Variants in ADAMTSL3 observed in about 807,000 individuals in gnomAD.
The protein encoded by ADAMTSL3 is ADAMTS like 3, also known as ADAMTS-like protein 3.
ADAMTSL3 carries 128 observed loss-of-function variants against 201.7 expected under a neutral mutation model. The ratio of observed to expected loss-of-function variants is 0.63; its 90% CI spans 0.55 to 0.73. The LOEUF (loss-of-function observed/expected upper bound fraction) is 0.73. Among genes scored for constraint, ADAMTSL3 ranks in the 30% least tolerant of loss-of-function variants. The pLI is 0.00. For synonymous variants in ADAMTSL3, 738 were observed against 748.4 expected (o/e 0.99, Z 0.23); for missense variants, 1,990 against 2,119.6 (o/e 0.94, Z 1.20).
chr15:83,769,995 G>T (rs972548660), intron 3 of ADAMTSL3, among the ~76,000 whole-genome samples: 1 of 151,746 alleles, frequency 6.6e-6, no homozygotes, highest in East Asian at 1.9e-4. Flanking sequence ...TTGTTTGTTT[G>T]CTTCCTTGTT....
At chr15:83,874,227 G>C (rs2065136057) in intron 9 of ADAMTSL3, among the ~76,000 whole-genome samples, 1 of 145,010 alleles carries the variant, frequency 6.9e-6, no homozygotes, top group Non-Finnish European at 1.5e-5. Flanking sequence ...GGGCAGGGAG[G>C]CTTTCAGGGA....
rs138903302 is a variant in ADAMTSL3 at position 83,978,080 on chromosome 15, A to G, written c.2645-4193A>G. ...GAGGCCAGGGTTCCAGCAGGGTAAT[A>G]GGAAGGTATTGATGCTGTGTCATGG... is the stretch of plus-strand genomic sequence containing the variant. On this transcript the variant is annotated intron_variant, in intron 20 of 29. Coordinates refer to ENST00000286744, the MANE Select transcript of ADAMTSL3 (RefSeq NM_207517.3). 3.9e-5 allele frequency among the ~76,000 whole-genome samples: 6 copies of G among 152,216 alleles called. No individual in the cohort carries two copies. The East Asian group carries it at 9.7e-4, about 25-fold the overall frequency.
intron 6 of ADAMTSL3, among the ~76,000 whole-genome samples, chr15:83,822,076 G>A (rs1465676326): frequency 3.4e-5 from 5 of 147,386 alleles, no homozygotes; most frequent in African/African-American, 7.5e-5. Flanking sequence ...AGGGGCGGCC[G>A]GGCAGAGGCA....
rs1469189157 is a variant in ADAMTSL3, at chr15:83,982,604, G to A, written c.2976G>A (p.Val992=). 1 of 1,614,156 alleles carries A rather than the reference G, an allele frequency of 6.2e-7. No homozygotes were observed. The highest frequency in any genetic ancestry group is 1.7e-5 in the Admixed American group (1 of 60,022). The change falls in exon 21 of 30, where the codon GTG becomes GTA. Residue 992 remains valine (V), a synonymous_variant. Transcript: ENST00000286744. The part of the protein sequence containing the change: ...CIAGSAQETV[V]LKLIGTDNRL... ...CAGGCTCTGCACAGGAAACAGTTGTGCTCAAGCTCATTGGTACTGACAACC... is the reference window on the plus strand; with the variant it reads ...CAGGCTCTGCACAGGAAACAGTTGTACTCAAGCTCATTGGTACTGACAACC...
intron 6 of ADAMTSL3, among the ~76,000 whole-genome samples, chr15:83,823,288 A>G (rs1255221038): frequency 6.6e-6 from 1 of 151,966 alleles, no homozygotes; most frequent in Non-Finnish European, 1.5e-5. Context: ...TATTTCACCT[A>G]CCCTATTCTG....
chr15:83,771,134 A>G (rs929827963), intron 3 of ADAMTSL3, among the ~76,000 whole-genome samples: 1 of 151,156 alleles, frequency 6.6e-6, no homozygotes, highest in Non-Finnish European at 1.5e-5. Context: ...GTGGTGCTAT[A>G]CTGTGTCCTT....
intron 3 of ADAMTSL3, among the ~76,000 whole-genome samples, chr15:83,754,003 G>A (rs1596143996): frequency 1.3e-5 from 2 of 152,296 alleles, no homozygotes; most frequent in South Asian, 4.2e-4. Context: ...GAGTAAAGAG[G>A]TTTGGTTGTG....
chr15:83,910,150 T>C (rs973999654), intron 15 of ADAMTSL3, among the ~76,000 whole-genome samples: 15 of 152,218 alleles, frequency 9.9e-5, no homozygotes, highest in African/African-American at 3.4e-4. Context: ...GTTTCACAGT[T>C]GGTTTCCATT....
intron 3 of ADAMTSL3, among the ~76,000 whole-genome samples, chr15:83,727,479 T>C (rs191809400): frequency 1.3e-5 from 2 of 152,150 alleles, no homozygotes; most frequent in East Asian, 3.9e-4. Flanking sequence ...CATCATTAGG[T>C]TGTTTATTTA....
chr15:83,962,541 TATATC>T (rs1203019706), intron 19 of ADAMTSL3: 3 of 152,256 alleles, frequency 2.0e-5, no homozygotes, highest in African/African-American at 7.2e-5. Context: ...TTTTTTCTAA[TATATC>T]TAATAAAATT....
chr15:83,972,994 A>T (rs909116677), intron 20 of ADAMTSL3, among the ~76,000 whole-genome samples: 3 of 152,058 alleles, frequency 2.0e-5, no homozygotes, highest in African/African-American at 7.2e-5. Flanking sequence ...CATACCTTCA[A>T]AGGCACCATG....
intron 2 of ADAMTSL3, among the ~76,000 whole-genome samples, chr15:83,697,286 A>G (rs1029579237): frequency 6.6e-6 from 1 of 152,166 alleles, no homozygotes; most frequent in Non-Finnish European, 1.5e-5. Context: ...TTTCCACTCA[A>G]CACAGCACTT....
chr15:83,731,585 C>T (rs1267009522), intron 3 of ADAMTSL3, among the ~76,000 whole-genome samples: 1 of 152,034 alleles, frequency 6.6e-6, no homozygotes, highest in Middle Eastern at 3.4e-3. Flanking sequence ...AAATCATTGT[C>T]TTGAAGAGAT....
chr15:83,904,776 G>T (rs1457117585), intron 15 of ADAMTSL3, among the ~76,000 whole-genome samples: 1 of 152,096 alleles, frequency 6.6e-6, no homozygotes, highest in Non-Finnish European at 1.5e-5. Context: ...TGTTGCCCTC[G>T]CTGTCGTTTT....
intron 2 of ADAMTSL3, among the ~76,000 whole-genome samples, chr15:83,661,792 C>T (rs892916829): frequency 2.5e-4 from 38 of 150,592 alleles, no homozygotes; most frequent in African/African-American, 9.3e-4. Flanking sequence ...CAAAAGAAGA[C>T]ATTTATGCAG....
chr15:83,932,211 A>G (rs1167121803), intron 17 of ADAMTSL3, among the ~76,000 whole-genome samples: 2 of 152,248 alleles, frequency 1.3e-5, no homozygotes, highest in Non-Finnish European at 2.9e-5. Flanking sequence ...GACTGTATAC[A>G]TCAGTTTCTA....
At chr15:83,663,364 G>C (rs1030388) in intron 2 of ADAMTSL3, among the ~76,000 whole-genome samples, 151,554 of 152,358 alleles carry the variant, frequency 0.99, 75,379 homozygotes, top group East Asian at 1. Flanking sequence ...TTCCATTGTA[G>C]TTATGGTTAT....
At chr15:83,796,272 T>C (rs775972782) in intron 4 of ADAMTSL3, among the ~76,000 whole-genome samples, 1 of 152,158 alleles carries the variant, frequency 6.6e-6, no homozygotes, top group Non-Finnish European at 1.5e-5. Context: ...ATTGTGCAGA[T>C]AGAAAAATCC....
At chr15:83,747,474 C>T (rs113500837) in intron 3 of ADAMTSL3, among the ~76,000 whole-genome samples, 1 of 152,156 alleles carries the variant, frequency 6.6e-6, no homozygotes, top group African/African-American at 2.4e-5. Flanking sequence ...AGGTACCCAT[C>T]CAGATCTGTC....
Sources: allele counts gnomAD v4.1 joint callset (sites outside exome capture counted in the v4.1 genomes callset), GRCh38; gene constraint gnomAD v4.1.1; transcripts MANE v1.5; gene names NCBI Gene and HGNC (gene_info 2026-07-23, HGNC 2026-07-21).